The following PIP4P2 variants were observed in gnomAD, a reference collection of about 807,000 sequenced individuals.
PIP4P2 encodes type 2 phosphatidylinositol 4,5-bisphosphate 4-phosphatase.
In PIP4P2, 19 loss-of-function variants were observed where a neutral mutation model predicts 33.3. That is an observed-to-expected ratio of 0.57 (90% CI 0.40 to 0.84). The LOEUF (loss-of-function observed/expected upper bound fraction) is 0.84. Ranked by LOEUF, PIP4P2 falls within the 40% of genes least tolerant of loss-of-function variation. PIP4P2 has a pLI of 0.00. For synonymous variants in PIP4P2, 110 were observed against 111.9 expected (o/e 0.98, Z 0.11); for missense variants, 270 against 324.7 (o/e 0.83, Z 1.29).
At chr8:91,002,488 G>T (rs532113067) in intron 5 of PIP4P2, among the ~76,000 whole-genome samples, 17 of 152,212 alleles carry the variant, frequency 1.1e-4, no homozygotes, top group African/African-American at 3.9e-4. Context: ...AGTGCTACAG[G>T]AATTTATAAG....
chr8:90,995,959 G>A, intron 6 of PIP4P2, 139 bp from the exon 7 acceptor site: 2 of 932,868 alleles, frequency 2.1e-6, no homozygotes, highest in Non-Finnish European at 1.5e-6. Context: ...AAGAGTAGGT[G>A]TATCTGTTGA....
chr8:91,001,483 G>A (rs754848645), intron 5 of PIP4P2, among the ~76,000 whole-genome samples: 2 of 151,532 alleles, frequency 1.3e-5, no homozygotes, highest in Non-Finnish European at 2.9e-5. Flanking sequence ...AAATCTTACT[G>A]CAGGTAACCT....
intron 1 of PIP4P2, among the ~76,000 whole-genome samples, chr8:91,025,686 T>A (rs1456362158): frequency 6.6e-6 from 1 of 152,176 alleles, no homozygotes; most frequent in Admixed American, 6.5e-5. Flanking sequence ...ATGAGAGATA[T>A]TTTACGATTA....
At chr8:91,040,572 G>A (rs1812291795) in intron 1 of PIP4P2, 72 bp downstream of exon 1, 6 of 1,549,286 alleles carry the variant, frequency 3.9e-6, no homozygotes, top group Non-Finnish European at 4.4e-6. Context: ...GAGCTCCCAG[G>A]TCTTTATCCT....
intron 1 of PIP4P2, among the ~76,000 whole-genome samples, chr8:91,028,321 GTGTAC>G (rs1278925644): frequency 7.9e-5 from 12 of 152,182 alleles, no homozygotes; most frequent in Non-Finnish European, 1.5e-4. Context: ...TAGGTTCAAC[GTGTAC>G]TGTAAATCTT....
intron 1 of PIP4P2, among the ~76,000 whole-genome samples, chr8:91,030,058 A>G (rs1812141610): frequency 1.3e-5 from 2 of 152,186 alleles, no homozygotes; most frequent in African/African-American, 4.8e-5. Flanking sequence ...AAATTAGAAA[A>G]GACTGCATGA....
intron 4 of PIP4P2, among the ~76,000 whole-genome samples, chr8:91,010,202 A>G (rs1811814626): frequency 6.6e-6 from 1 of 151,964 alleles, no homozygotes. Context: ...TAGAACTATT[A>G]TTAAGTGCTT....
chr8:91,025,638 A>G (rs1435889030), intron 1 of PIP4P2, among the ~76,000 whole-genome samples: 4 of 152,182 alleles, frequency 2.6e-5, no homozygotes, highest in African/African-American at 9.6e-5. Context: ...CTCTTGACAA[A>G]GATGTTATAT....
intron 5 of PIP4P2, among the ~76,000 whole-genome samples, chr8:91,005,106 T>C (rs1811749119): frequency 6.6e-6 from 1 of 152,218 alleles, no homozygotes; most frequent in African/African-American, 2.4e-5. Context: ...TTAACCAATC[T>C]AGCAAACCTA....
intron 1 of PIP4P2, among the ~76,000 whole-genome samples, chr8:91,036,816 G>A (rs528849948): frequency 1.3e-5 from 2 of 152,236 alleles, no homozygotes; most frequent in African/African-American, 4.8e-5. Flanking sequence ...TGTTGCTGCA[G>A]AACAAGTTGG....
In PIP4P2 at chr8:90,996,649, C is replaced by T; in HGVS notation, c.630+5G>A. 1.9e-6 allele frequency: 3 copies of T among 1,603,592 alleles called. No homozygotes were observed. ...AGAATTCTAACATCAAAGTGTAACA[C>T]TCACAGTTAACCCAACTCCAATGAA... On this transcript the variant is annotated splice_donor_5th_base_variant and intron_variant, in intron 6 of 6. Transcript: ENST00000285419.
At chr8:91,038,861 C>G (rs2130387034) in intron 1 of PIP4P2, among the ~76,000 whole-genome samples, 1 of 152,250 alleles carries the variant, frequency 6.6e-6, no homozygotes, top group East Asian at 1.9e-4. Flanking sequence ...AAGGCAGAAG[C>G]AGCTTTTTGC....
chr8:90,997,105 TAA>T (rs1176535920), intron 5 of PIP4P2, among the ~76,000 whole-genome samples: 5 of 152,026 alleles, frequency 3.3e-5, no homozygotes, highest in African/African-American at 1.2e-4. Flanking sequence ...TTTTTACAGT[TAA>T]AAGAGTATGT....
intron 6 of PIP4P2, among the ~76,000 whole-genome samples, 158 bp from the exon 7 acceptor site, chr8:90,995,978 G>GAT (rs1165866756): frequency 1.3e-5 from 2 of 152,148 alleles, no homozygotes; most frequent in Non-Finnish European, 2.9e-5. Context: ...GACTGCAACT[G>GAT]ATAGACCATA....
intron 4 of PIP4P2, 42 bp from the exon 5 acceptor site, chr8:91,008,837 G>C (rs1299925356): frequency 6.6e-7 from 1 of 1,510,112 alleles, no homozygotes; most frequent in South Asian, 1.2e-5. Context: ...GAAAACAACT[G>C]AAAACTATCC....
At chr8:91,027,572 T>C (rs1198904616) in intron 1 of PIP4P2, among the ~76,000 whole-genome samples, 5 of 152,136 alleles carry the variant, frequency 3.3e-5, no homozygotes, top group Non-Finnish European at 5.9e-5. Context: ...TAATATGTAT[T>C]TCCAGAAACC....
Position 91,040,629 on chromosome 8 carries a change from C to T in PIP4P2, c.106+15G>A. 6.2e-7 allele frequency: 1 copy of T among 1,613,670 alleles called. No individual in the cohort carries two copies. The highest frequency in any genetic ancestry group is 8.5e-7 in the Non-Finnish European group (1 of 1,179,912). On this transcript the variant is annotated intron_variant, in intron 1 of 6. Coordinates refer to ENST00000285419, the MANE Select transcript of PIP4P2 (RefSeq NM_018710.3). ...CTACTTCCTTGCAAAGTAGAGGGATCTACGCTGGCCTTACCTCTGGGGCTG... is the reference window on the plus strand; with the variant it reads ...CTACTTCCTTGCAAAGTAGAGGGATTTACGCTGGCCTTACCTCTGGGGCTG...
rs369470345 is a variant in PIP4P2, at chr8:90,996,229, A to G, written c.631-409T>C. Among the ~76,000 whole-genome samples the G allele has an allele frequency of 7.9e-5, 12 of 152,226 alleles. No homozygotes were observed. In the East Asian group the frequency reaches 1.7e-3, roughly 22 times the overall value. ...TAACTGCTTAGCTCCAGTCTTCTCT[A>G]AAAACAAGCCATCCTCATATTGGTA... On this transcript the variant is annotated intron_variant, in intron 6 of 6. Transcript: ENST00000285419.
intron 1 of PIP4P2, among the ~76,000 whole-genome samples, chr8:91,023,228 C>T (rs1248219726): frequency 2.0e-5 from 3 of 151,172 alleles, no homozygotes; most frequent in Admixed American, 6.6e-5. Flanking sequence ...GCATTATTAA[C>T]AAAAGTTGCT....
Sources: gnomAD v4.1 joint callset for allele counts (sites outside exome capture counted in the v4.1 genomes callset) on GRCh38, gnomAD v4.1.1 for gene constraint, MANE v1.5 for transcripts, NCBI Gene and HGNC (gene_info 2026-07-23, HGNC 2026-07-21) for gene names.